DNM1: variants seen among roughly 807,000 people sequenced by gnomAD.
The protein encoded by DNM1 is dynamin 1.
DNM1 carries 29 observed loss-of-function variants against 104.6 expected under a neutral mutation model. That is an observed-to-expected ratio of 0.28 (90% CI 0.21 to 0.38). DNM1 has a LOEUF of 0.38. Ranked by LOEUF, DNM1 falls within the 10% of genes least tolerant of loss-of-function variation. The probability of loss-of-function intolerance (pLI) is 1.00; values close to 1 mark genes in which losing one functional copy is unlikely to be tolerated. For synonymous variants in DNM1, 445 were observed against 475.8 expected, an observed-to-expected ratio of 0.94 and a Z score of 0.84; for missense variants, 640 against 1,189.4, an observed-to-expected ratio of 0.54 and a Z score of 6.79.
At position 128,218,379 on chromosome 9, in the gene DNM1, C is replaced by A; in HGVS notation, c.235+75C>A. On this transcript the variant is annotated intron_variant, in intron 2 of 21. Coordinates refer to ENST00000372923, the MANE Select transcript of DNM1 (RefSeq NM_004408.4). This position sits in a 1 kb window ranked among gnomAD's most constrained non-coding sequence, Gnocchi z 4.8. Reference sequence around the variant, plus strand: ...CCCCGTCCCCAAGCTGAGGGCCAGCCTGGCCACGAACTTGCTTGCTGTGTG... The same window carrying A: ...CCCCGTCCCCAAGCTGAGGGCCAGCATGGCCACGAACTTGCTTGCTGTGTG... The A allele has an allele frequency of 6.5e-7, 1 of 1,550,124 alleles. No homozygotes were observed. The highest frequency in any genetic ancestry group is 8.9e-7 in the Non-Finnish European group (1 of 1,121,946).
rs1836731497 is a variant in DNM1 at position 128,245,433 on chromosome 9, C to T, written c.1672-961C>T. Among the ~76,000 whole-genome samples, 1 of 151,852 alleles carries T rather than the reference C, an allele frequency of 6.6e-6. No individual in the cohort carries two copies. Among genetic ancestry groups the T allele is most frequent in the Admixed American group, 6.6e-5 (1 of 15,256 alleles). The stretch of plus-strand genomic sequence containing the variant: ...ACAAGTAGGGCATGGGTGACAAAAA[C>T]CCCTCCCCTCTCCCAGAGCCCCATC... On this transcript the variant is annotated intron_variant, in intron 15 of 21. Coordinates refer to ENST00000372923, the MANE Select transcript of DNM1 (RefSeq NM_004408.4). The surrounding 1 kb of genome is among the most constrained non-coding windows in gnomAD (Gnocchi z 5.2).
intron 10 of DNM1, among the ~76,000 whole-genome samples, chr9:128,230,191 TG>T (rs1480789053): frequency 1.4e-5 from 2 of 143,738 alleles, no homozygotes; most frequent in Non-Finnish European, 3.0e-5. Context: ...CACTCCAGCC[TG>T]GGTGACAGAT....
chr9:128,209,626 T>C (rs1834172734), intron 1 of DNM1, among the ~76,000 whole-genome samples: 1 of 152,104 alleles, frequency 6.6e-6, no homozygotes, highest in South Asian at 2.1e-4. Flanking sequence ...TGGAGTTCCG[T>C]GGTGGATGTG....
At chr9:128,209,395 A>T (rs1221994921) in intron 1 of DNM1, among the ~76,000 whole-genome samples, 1 of 151,878 alleles carries the variant, frequency 6.6e-6, no homozygotes, top group African/African-American at 2.4e-5. Context: ...CAGGTGGGAG[A>T]GTGGAGAGGG....
chr9:128,253,037 C>T lies in DNM1; in HGVS notation c.2535-1617C>T. 3 of 1,554,372 alleles carry T rather than the reference C, an allele frequency of 1.9e-6. No individual in the cohort carries two copies. Among genetic ancestry groups the T allele is most frequent in the Non-Finnish European group, 2.7e-6 (3 of 1,129,386 alleles). Reference sequence around the variant, plus strand: ...CCGGGCGTGTGCGTGTGTGTGTCCCCCACCCCCAGGCCGGCCCCACCCGTG... The same window carrying T: ...CCGGGCGTGTGCGTGTGTGTGTCCCTCACCCCCAGGCCGGCCCCACCCGTG... On this transcript the variant is annotated intron_variant, in intron 21 of 21. Coordinates refer to ENST00000372923, the MANE Select transcript of DNM1 (RefSeq NM_004408.4). The surrounding 1 kb of genome is among the most constrained non-coding windows in gnomAD (Gnocchi z 5.9).
intron 1 of DNM1, among the ~76,000 whole-genome samples, chr9:128,217,889 G>GGA (rs765794260): frequency 2.6e-5 from 4 of 152,144 alleles, no homozygotes; most frequent in Non-Finnish European, 5.9e-5. Context: ...TAGGCATGTG[G>GGA]GAGACCCCAT....
rs962391810 is a variant in DNM1 at position 128,254,418 on chromosome 9, G to A, written c.2535-236G>A. 3.0e-5 allele frequency: 43 copies of A among 1,428,946 alleles called. No individual in the cohort carries two copies. In the East Asian group the frequency reaches 3.2e-4, roughly 11 times the overall value. The allele number at this position is 1,428,946 out of a possible 1,614,324, so 88.5% of individuals were successfully genotyped here. A position where few individuals can be genotyped will look rare whatever the true frequency, so the allele number is the denominator to read the frequency against. ...CAGCGTGTGTGGGGTGGGGAGGGCC[G>A]CCACAGCCCCCAGGCGCTATCTGTG... is the stretch of plus-strand genomic sequence containing the variant. On this transcript the variant is annotated intron_variant, in intron 21 of 21. Transcript: ENST00000372923. This position sits in a 1 kb window ranked among gnomAD's most constrained non-coding sequence, Gnocchi z 6.1.
intron 10 of DNM1, among the ~76,000 whole-genome samples, chr9:128,231,194 CTT>C (rs72047067): frequency 0.021 from 1,435 of 68,466 alleles, 26 homozygotes; most frequent in African/African-American, 0.077. Context: ...ATACTTTTGC[CTT>C]TTTTTTTTTT....
chr9:128,239,854 CCT>C, intron 13 of DNM1, 75 bp downstream of exon 13: 1 of 1,569,102 alleles, frequency 6.4e-7, no homozygotes, highest in African/African-American at 1.3e-5. Context: ...AGCCCCCTCC[CCT>C]GAGGGGAAGG....
intron 20 of DNM1, 138 bp from the exon 21 acceptor site, chr9:128,250,587 C>T: frequency 7.1e-6 from 7 of 986,884 alleles, no homozygotes; most frequent in Non-Finnish European, 9.9e-6. Flanking sequence ...GGCTTAAGCT[C>T]CGGCGACCGC....
Position 128,238,419 on chromosome 9 carries a change from T to C in DNM1, c.1423-1026T>C, listed in dbSNP as rs1247463062. ...TTGTATTTTTAGTAGAGACGGGATT[T>C]CTCCATGTTGGTCAGGCTGGTCTCG... On this transcript the variant is annotated intron_variant, in intron 11 of 21. Transcript: ENST00000372923. Among the ~76,000 whole-genome samples, 4 of 152,048 alleles carry C rather than the reference T, an allele frequency of 2.6e-5. No individual in the cohort carries two copies. The East Asian group carries it at 7.8e-4, about 30-fold the overall frequency.
chr9:128,210,997 T>G (rs371221878), intron 1 of DNM1, among the ~76,000 whole-genome samples: 9 of 151,794 alleles, frequency 5.9e-5, no homozygotes, highest in African/African-American at 2.2e-4. Context: ...ATATTGAGCT[T>G]GGAAGGTGTT....
rs552571864 is a variant in DNM1 at position 128,238,573 on chromosome 9, T to G, written c.1423-872T>G. 2.6e-5 allele frequency among the ~76,000 whole-genome samples: 4 copies of G among 152,092 alleles called. No homozygotes were observed. The South Asian group carries it at 8.3e-4, about 31-fold the overall frequency. On this transcript the variant is annotated intron_variant, in intron 11 of 21. Coordinates refer to ENST00000372923, the MANE Select transcript of DNM1 (RefSeq NM_004408.4). ...TTCTTTATTAATGAGAGTAAGGATTTTTTACACATCCTTAGTGGATGTATG... is the reference window on the plus strand; with the variant it reads ...TTCTTTATTAATGAGAGTAAGGATTGTTTACACATCCTTAGTGGATGTATG...
chr9:128,218,121 G>C lies in DNM1; in HGVS notation c.162-110G>C. 9.8e-7 allele frequency: 1 copy of C among 1,017,830 alleles called. No individual in the cohort carries two copies. Among genetic ancestry groups the C allele is most frequent in the Non-Finnish European group, 1.6e-6 (1 of 637,744 alleles). 63.0% of individuals were successfully genotyped at this position (1,017,830 alleles called of 1,614,324 possible). ...AGCCCCTGGGCTAAGGAGCGGTGGA[G>C]CCAGCACTTTGGAAGGAGCTTTGGC... On this transcript the variant is annotated intron_variant, in intron 1 of 21. Transcript: ENST00000372923. This position sits in a 1 kb window ranked among gnomAD's most constrained non-coding sequence, Gnocchi z 4.8.
chr9:128,230,579 T>C (rs781467341), intron 10 of DNM1, among the ~76,000 whole-genome samples: 8 of 151,640 alleles, frequency 5.3e-5, no homozygotes, highest in Non-Finnish European at 8.8e-5. Flanking sequence ...GCCTCCCAAG[T>C]AACTGGGATT....
Position 128,220,742 on chromosome 9 carries a change from CGTGTGTGTGTGT to C in DNM1, c.849+416_849+427del, listed in dbSNP as rs140950284. ...CAGAACTGAAGTGCGCGCGCGCGCGCGTGTGTGTGTGTGTGTGTGTGTGTGTCTGTCTGACTG... is the reference window on the plus strand; with the variant it reads ...CAGAACTGAAGTGCGCGCGCGCGCGCGTGTGTGTGTGTGTCTGTCTGACTG... On this transcript the variant is annotated intron_variant, in intron 6 of 21. Transcript: ENST00000372923. This position sits in a 1 kb window ranked among gnomAD's most constrained non-coding sequence, Gnocchi z 5.2. 2.9e-5 allele frequency among the ~76,000 whole-genome samples: 4 copies of C among 136,278 alleles called. No individual in the cohort carries two copies. The highest frequency in any genetic ancestry group is 1.1e-4 in the African/African-American group (4 of 37,720). The allele number at this position is 136,278 out of a possible 152,430, so 89.4% of individuals were successfully genotyped here.
chr9:128,237,548 C>T (rs1836092657), intron 11 of DNM1, among the ~76,000 whole-genome samples: 1 of 152,118 alleles, frequency 6.6e-6, no homozygotes, highest in Non-Finnish European at 1.5e-5. Context: ...GGATTACAGG[C>T]GTGAGCCACC....
At position 128,253,414 on chromosome 9, in the gene DNM1, G is replaced by A. The variant is rs750520659; in HGVS notation, c.2535-1240G>A. 2.5e-5 allele frequency: 13 copies of A among 527,264 alleles called. No individual in the cohort carries two copies. Among genetic ancestry groups the A allele is most frequent in the Admixed American group, 6.8e-5 (2 of 29,390 alleles). 32.7% of individuals were successfully genotyped at this position (527,264 alleles called of 1,614,324 possible). A position where few individuals can be genotyped will look rare whatever the true frequency, so the allele number is the denominator to read the frequency against. On this transcript the variant is annotated intron_variant, in intron 21 of 21. Transcript: ENST00000372923. The surrounding 1 kb of genome is among the most constrained non-coding windows in gnomAD (Gnocchi z 5.9). ...CGCGCCCAAGCTGGCAGACATGGGT[G>A]CTCTCTGGAGCCGTCAGAGAGGGCA...
At chr9:128,226,435 T>C (rs972310508) in intron 10 of DNM1, among the ~76,000 whole-genome samples, 2 of 152,246 alleles carry the variant, frequency 1.3e-5, no homozygotes, top group African/African-American at 4.8e-5. Flanking sequence ...ATGGCAGCTG[T>C]TTACTGAGCA....
Sources: gnomAD v4.1 joint callset for allele counts (sites outside exome capture counted in the v4.1 genomes callset) on GRCh38, gnomAD v4.1.1 for gene constraint, Gnocchi (gnomAD v3.1) non-coding constraint, MANE v1.5 for transcripts, NCBI Gene and HGNC (gene_info 2026-07-23, HGNC 2026-07-21) for gene names.